SLCO4A1: variants seen among roughly 807,000 people sequenced by gnomAD.
The protein encoded by SLCO4A1 is colon organic anion transporter.
In SLCO4A1, 51 loss-of-function variants were observed where a neutral mutation model predicts 64.6. The observed-to-expected ratio is 0.79, with a 90% CI of 0.63 to 1.00. The LOEUF is 1.00. SLCO4A1 is among the 50% of genes least tolerant of loss of function. The pLI is 0.00. For synonymous variants in SLCO4A1, 471 were observed against 444.9 expected (o/e 1.06, Z -0.74); for missense variants, 919 against 980.5 (o/e 0.94, Z 0.84).
At chr20:62,662,602 G>A (rs923852211) in intron 5 of SLCO4A1, among the ~76,000 whole-genome samples, 26 of 152,216 alleles carry the variant, frequency 1.7e-4, no homozygotes, top group African/African-American at 7.2e-5. Context: ...AATTTCAGCC[G>A]AGCAATCAGT....
rs1981231422 is a variant in SLCO4A1 at position 62,645,861 on chromosome 20, G to C, written c.-97+3308G>C. Among the ~76,000 whole-genome samples the C allele has an allele frequency of 6.6e-6, 1 of 152,012 alleles. No homozygotes were observed. The highest frequency in any genetic ancestry group is 1.5e-5 in the Non-Finnish European group (1 of 68,004). ...ATCTGGCAAGCCTTGGGGGGCACCT[G>C]AGGCATTGCCCCTCTGGCCCAAGCC... On this transcript the variant is annotated intron_variant, in intron 1 of 11. Transcript: ENST00000217159. This position sits in a 1 kb window ranked among gnomAD's most constrained non-coding sequence, Gnocchi z 4.2.
rs957648499 is a variant in SLCO4A1, at chr20:62,661,847, C to A, written c.1121+672C>A. ...CTAGGGTGAACCCGGGGCCCTGAGC[C>A]GGTGGGGTCCTAGAGGGACAACAGA... On this transcript the variant is annotated intron_variant, in intron 5 of 11. Coordinates refer to ENST00000217159, the MANE Select transcript of SLCO4A1 (RefSeq NM_016354.4). This position sits in a 1 kb window ranked among gnomAD's most constrained non-coding sequence, Gnocchi z 5.2. Among the ~76,000 whole-genome samples, 17 of 151,888 alleles carry A rather than the reference C, an allele frequency of 1.1e-4. No individual in the cohort carries two copies. Among genetic ancestry groups the A allele is most frequent in the Admixed American group, 1.1e-3 (17 of 15,268 alleles).
rs1186077278 is a variant in SLCO4A1 at position 62,685,611 on chromosome 20, G to A, written n.382G>A. ...GTGGACTGCCTGTGTTCTCCTGGGAGAGAATGCATTTGCTTCCGATGCCCA... is the reference window on the plus strand; with the variant it reads ...GTGGACTGCCTGTGTTCTCCTGGGAAAGAATGCATTTGCTTCCGATGCCCA... On this transcript the variant is annotated non_coding_transcript_exon_variant, in exon 3 of 3. Coordinates refer to the SLCO4A1 transcript ENST00000466818. The surrounding 1 kb of genome is among the most constrained non-coding windows in gnomAD (Gnocchi z 4.6). 8.5e-6 allele frequency: 2 copies of A among 236,128 alleles called. No homozygotes were observed. Among genetic ancestry groups the A allele is most frequent in the Non-Finnish European group, 1.4e-5 (2 of 144,976 alleles). 14.6% of individuals were successfully genotyped at this position (236,128 alleles called of 1,614,324 possible).
chr20:62,655,249 AGGGTGG>A (rs1427379598), intron 1 of SLCO4A1, among the ~76,000 whole-genome samples: 28 of 143,608 alleles, frequency 1.9e-4, no homozygotes, highest in African/African-American at 6.9e-4. Flanking sequence ...GGACCCTCCC[AGGGTGG>A]GGGCGGCACA....
intron 5 of SLCO4A1, among the ~76,000 whole-genome samples, chr20:62,662,162 A>G (rs1407022096): frequency 6.6e-6 from 1 of 152,158 alleles, no homozygotes; most frequent in African/African-American, 2.4e-5. Context: ...GCCCCTCAGA[A>G]AGCCCCAAGC....
chr20:62,663,845 C>T (rs1017476730), intron 5 of SLCO4A1, among the ~76,000 whole-genome samples: 4 of 152,192 alleles, frequency 2.6e-5, no homozygotes, highest in South Asian at 2.1e-4. Flanking sequence ...CTGTCTGCCT[C>T]GATCACTGCA....
chr20:62,660,486 C>G lies in SLCO4A1; in HGVS notation c.962C>G (p.Ala321Gly). ...WVGFLGSGAA[A>G]FFTAVPILGY... Reference sequence around the variant, plus strand: ...GGCTTCCTGGGCTCTGGGGCCGCTGCTTTCTTCACCGCCGTTCCCATCCTT... The same window carrying G: ...GGCTTCCTGGGCTCTGGGGCCGCTGGTTTCTTCACCGCCGTTCCCATCCTT... Residue 321 changes from alanine to glycine, a missense_variant, in exon 4 of 12, where the codon GCT (alanine) becomes GGT (glycine). Ala to Gly is a moderately conservative substitution (Grantham distance 60, BLOSUM62 0). Transcript: ENST00000217159. 1 of 1,604,858 alleles carries G rather than the reference C, an allele frequency of 6.2e-7. No individual in the cohort carries two copies. Among genetic ancestry groups the G allele is most frequent in the East Asian group, 2.2e-5 (1 of 44,868 alleles).
intron 1 of SLCO4A1, among the ~76,000 whole-genome samples, chr20:62,653,375 A>G (rs1982975794): frequency 6.6e-6 from 1 of 152,208 alleles, no homozygotes; most frequent in African/African-American, 2.4e-5. Flanking sequence ...GGGAGATCCC[A>G]TGGCCTGCTC....
rs142743936 is a variant in SLCO4A1 at position 62,668,077 on chromosome 20, G to A, written c.1704G>A (p.Gly568=). ...CTGGTTTTGGCCATGCCACTGCAGG[G>A]AAATGCACTTCAACTTGTCAGAGAA... ...LSSGFGHATA[G]KCTSTCQRKP... The change falls in exon 9 of 12, where the codon GGG becomes GGA. Residue 568 remains glycine (G), a synonymous_variant. Transcript: ENST00000217159. 1,059 of 1,614,002 alleles carry A rather than the reference G, an allele frequency of 6.6e-4. 8 individuals carry two copies. The African/African-American group carries it at 0.012, about 18-fold the overall frequency.
chr20:62,673,016 C>T (rs551979279), downstream of SLCO4A1, among the ~76,000 whole-genome samples: 69 of 136,436 alleles, frequency 5.1e-4, 2 homozygotes, highest in African/African-American at 1.5e-3. Context: ...GGTCAAGATC[C>T]CCCCCAAATT....
chr20:62,650,050 C>G (rs994453373), intron 1 of SLCO4A1: 1 of 152,232 alleles, frequency 6.6e-6, no homozygotes, highest in Non-Finnish European at 1.5e-5. Context: ...CTGCCTTTTC[C>G]GGGGGAAGCT....
At chr20:62,687,298 G>C (rs1002137833), downstream of SLCO4A1, among the ~76,000 whole-genome samples, 1 of 152,246 alleles carries the variant, frequency 6.6e-6, no homozygotes, top group African/African-American at 2.4e-5. Flanking sequence ...TTGACCAAAC[G>C]CCACACAGCC....
chr20:62,674,541 C>G (rs934347201), downstream of SLCO4A1, among the ~76,000 whole-genome samples: 2 of 152,232 alleles, frequency 1.3e-5, no homozygotes, highest in Non-Finnish European at 2.9e-5. Context: ...GGTGCACCCT[C>G]TCTGCTGCCA....
rs1416326009 is a variant in SLCO4A1 at position 62,644,131 on chromosome 20, T to A, written c.-97+1578T>A. On this transcript the variant is annotated intron_variant, in intron 1 of 11. Transcript: ENST00000217159. The surrounding 1 kb of genome is among the most constrained non-coding windows in gnomAD (Gnocchi z 5.4). ...CTGGGCCAGAGTGTCTGTTCTGGGTTGTCAGTGATCGCAGGACACCAGTAG... is the reference window on the plus strand; with the variant it reads ...CTGGGCCAGAGTGTCTGTTCTGGGTAGTCAGTGATCGCAGGACACCAGTAG... Among the ~76,000 whole-genome samples, 1 of 152,160 alleles carries A rather than the reference T, an allele frequency of 6.6e-6. No homozygotes were observed. The highest frequency in any genetic ancestry group is 2.4e-5 in the African/African-American group (1 of 41,434).
chr20:62,670,518 A>T (rs1339489797), intron 11 of SLCO4A1, among the ~76,000 whole-genome samples: 1 of 152,230 alleles, frequency 6.6e-6, no homozygotes, highest in Non-Finnish European at 1.5e-5. Flanking sequence ...CGCCTCCTTC[A>T]GCGAGAAGGT....
At position 62,684,674 on chromosome 20, in the gene SLCO4A1, C is replaced by T. The variant is rs77148942; in HGVS notation, n.212-767C>T. 8.4e-3 allele frequency among the ~76,000 whole-genome samples: 1,285 copies of T among 152,220 alleles called. 17 individuals carry two copies. The highest frequency in any genetic ancestry group is 0.029 in the African/African-American group (1,213 of 41,532). On this transcript the variant is annotated intron_variant and non_coding_transcript_variant, in intron 2 of 2. Coordinates refer to the SLCO4A1 transcript ENST00000466818. ...CCACTGACACGAGCTCATTCATCCC[C>T]CCACTCCCTCCCTCAAGTTTCCTGA... is the stretch of plus-strand genomic sequence containing the variant.
chr20:62,675,716 C>T (rs374423946), downstream of SLCO4A1, among the ~76,000 whole-genome samples: 4 of 152,214 alleles, frequency 2.6e-5, no homozygotes, highest in East Asian at 1.9e-4. Context: ...CCCGCTTCTC[C>T]GGGATCACGG....
chr20:62,656,086 T>C (rs1314965581), intron 1 of SLCO4A1, among the ~76,000 whole-genome samples: 1 of 152,268 alleles, frequency 6.6e-6, no homozygotes, highest in African/African-American at 2.4e-5. Context: ...AAGCGGCAGC[T>C]TCTCCTTCCA....
Position 62,669,095 on chromosome 20 carries a change from A to G in SLCO4A1, c.2025+17A>G. ...CTGTACAAGGTAAGCAGGCCCAGGG[A>G]GGGGACAGAGGGTCTGCTCTGAGGG... On this transcript the variant is annotated intron_variant, in intron 11 of 11. Transcript: ENST00000217159. 6.2e-7 allele frequency: 1 copy of G among 1,604,780 alleles called. No homozygotes were observed. The highest frequency in any genetic ancestry group is 8.5e-7 in the Non-Finnish European group (1 of 1,178,492).
Sources: gnomAD v4.1 joint callset for allele counts (sites outside exome capture counted in the v4.1 genomes callset) on GRCh38, gnomAD v4.1.1 for gene constraint, Gnocchi (gnomAD v3.1) non-coding constraint, MANE v1.5 for transcripts, NCBI Gene and HGNC (gene_info 2026-07-23, HGNC 2026-07-21) for gene names.